The following SERINC3 variants were observed in gnomAD, a reference collection of about 807,000 sequenced individuals.
SERINC3 encodes tumor differentially expressed protein 1.
In SERINC3, 22 loss-of-function variants were observed where a neutral mutation model predicts 52.1. The observed-to-expected ratio is 0.42, with a 90% confidence interval of 0.30 to 0.60. The LOEUF (loss-of-function observed/expected upper bound fraction) is 0.60. Ranked by LOEUF, SERINC3 falls within the 20% of genes least tolerant of loss-of-function variation. The pLI, the probability that SERINC3 is intolerant of heterozygous loss-of-function variation, is 0.16. For synonymous variants in SERINC3, 226 were observed against 212.7 expected (o/e 1.06, Z -0.54); for missense variants, 564 against 584.6 (o/e 0.96, Z 0.36).
intron 8 of SERINC3, among the ~76,000 whole-genome samples, chr20:44,503,482 T>C (rs553845465): frequency 2.6e-4 from 40 of 152,268 alleles, no homozygotes; most frequent in Non-Finnish European, 4.9e-4. Flanking sequence ...ACACTGTCTC[T>C]ACTAAAAATA....
intron 8 of SERINC3, among the ~76,000 whole-genome samples, 183 bp from the exon 9 acceptor site, chr20:44,501,483 T>A (rs900178434): frequency 6.6e-5 from 10 of 152,248 alleles, no homozygotes; most frequent in African/African-American, 2.4e-4. Context: ...GTCACTGTCA[T>A]CAGTTACTAC....
chr20:44,503,319 G>C (rs2064291223), intron 8 of SERINC3, among the ~76,000 whole-genome samples: 1 of 152,130 alleles, frequency 6.6e-6, no homozygotes, highest in Admixed American at 6.6e-5. Flanking sequence ...TTTTGAAAAA[G>C]AACAAATTTG....
intron 3 of SERINC3, among the ~76,000 whole-genome samples, chr20:44,512,297 G>A (rs1269802223): frequency 7.6e-6 from 1 of 132,374 alleles, no homozygotes; most frequent in East Asian, 2.3e-4. Context: ...TGGGTGACAA[G>A]AGTGAAACTC....
At chr20:44,516,880 T>C (rs2064384069) in intron 1 of SERINC3, among the ~76,000 whole-genome samples, 1 of 152,150 alleles carries the variant, frequency 6.6e-6, no homozygotes, top group Non-Finnish European at 1.5e-5. Context: ...TCATTATGCT[T>C]GATTAGGAAA....
In SERINC3 at chr20:44,512,901, A is replaced by G; in HGVS notation, c.295T>C (p.Tyr99His). Residue 99 changes from tyrosine (Y) to histidine (H), a missense_variant, in exon 3 of 10, where the codon TAT (tyrosine) becomes CAT (histidine). Tyr to His is a moderately conservative substitution (Grantham distance 83). Coordinates refer to ENST00000342374, the MANE Select transcript of SERINC3 (RefSeq NM_006811.4). ...CDVLVGYKAV[Y>H]RISFAMAIFF... Reference sequence around the variant, plus strand: ...ATGGCCATGGCAAAGCTGATCCGATACACAGCTTTATAACCAACCAGCACA... The same window carrying G: ...ATGGCCATGGCAAAGCTGATCCGATGCACAGCTTTATAACCAACCAGCACA... The G allele has an allele frequency of 6.3e-7, 1 of 1,575,974 alleles. No homozygotes were observed. Among genetic ancestry groups the G allele is most frequent in the Non-Finnish European group, 8.6e-7 (1 of 1,167,390 alleles).
rs547495923 is a variant in SERINC3, at chr20:44,512,792, C to T, written c.395+9G>A. The T allele has an allele frequency of 5.8e-6, 9 of 1,548,698 alleles. No homozygotes were observed. In the East Asian group the frequency reaches 1.5e-4, roughly 25 times the overall value. ...ATAATGTAACCAGTTAATCATAAATCTAACATACCCATTGTGTACTGCCGC... is the reference window on the plus strand; with the variant it reads ...ATAATGTAACCAGTTAATCATAAATTTAACATACCCATTGTGTACTGCCGC... On this transcript the variant is annotated intron_variant, in intron 3 of 9. Coordinates refer to ENST00000342374, the MANE Select transcript of SERINC3 (RefSeq NM_006811.4).
chr20:44,511,856 G>T (rs1568788790), intron 3 of SERINC3, among the ~76,000 whole-genome samples: 2 of 152,216 alleles, frequency 1.3e-5, no homozygotes, highest in Non-Finnish European at 2.9e-5. Flanking sequence ...GAAAGAACCA[G>T]GCTTTGGAGC....
intron 5 of SERINC3, among the ~76,000 whole-genome samples, chr20:44,507,992 C>A (rs2064325394): frequency 6.6e-6 from 1 of 152,158 alleles, no homozygotes; most frequent in African/African-American, 2.4e-5. Context: ...CAAGTCAAAG[C>A]CCAGATTAAG....
intron 1 of SERINC3, among the ~76,000 whole-genome samples, chr20:44,517,883 C>T (rs147814066): frequency 5.7e-4 from 87 of 152,244 alleles, no homozygotes; most frequent in Admixed American, 2.3e-3. Flanking sequence ...ATCTGTGGGA[C>T]AAATCTGTCC....
chr20:44,508,339 G>A (rs1171397042), intron 5 of SERINC3, among the ~76,000 whole-genome samples: 1 of 151,804 alleles, frequency 6.6e-6, no homozygotes, highest in Non-Finnish European at 1.5e-5. Context: ...CGGTCGTGGT[G>A]GTGTAGGCGT....
Position 44,501,398 on chromosome 20 carries a change from C to T in SERINC3, c.1056-98G>A, listed in dbSNP as rs1000352638. On this transcript the variant is annotated intron_variant, in intron 8 of 9. Coordinates refer to ENST00000342374, the MANE Select transcript of SERINC3 (RefSeq NM_006811.4). ...CAAGACACTTACTGCTGAGCTGTTC[C>T]TACTTTGGAGACTGAAAGCTTTCTG... is the stretch of plus-strand genomic sequence containing the variant. 4.5e-5 allele frequency: 44 copies of T among 973,776 alleles called. 1 individual carries two copies. In the African/African-American group the frequency reaches 6.6e-4, roughly 15 times the overall value. The allele number at this position is 973,776 out of a possible 1,614,324, so 60.3% of individuals were successfully genotyped here.
chr20:44,516,088 G>A (rs2064378783), intron 1 of SERINC3, among the ~76,000 whole-genome samples: 1 of 152,036 alleles, frequency 6.6e-6, no homozygotes. Context: ...TGGACCACAA[G>A]GTCAGGAGTT....
At chr20:44,518,098 C>A (rs1305044764) in intron 1 of SERINC3, among the ~76,000 whole-genome samples, 3 of 152,048 alleles carry the variant, frequency 2.0e-5, no homozygotes, top group Non-Finnish European at 4.4e-5. Context: ...TTTGTCCAAG[C>A]CACAACTATC....
rs2064267711 is a variant in SERINC3 at position 44,499,717 on chromosome 20, A to T, written c.*579T>A. On this transcript the variant is annotated 3_prime_UTR_variant, in exon 10 of 10. Transcript: ENST00000342374. ...TGCTACAGTGTAAAAAAAGTAAATT[A>T]AAAAACTCAAGATGTAGAAGCAGTA... is the stretch of plus-strand genomic sequence containing the variant. 1 of 152,332 alleles carries T rather than the reference A, an allele frequency of 6.6e-6. No individual in the cohort carries two copies. Among genetic ancestry groups the T allele is most frequent in the Admixed American group, 6.6e-5 (1 of 15,266 alleles). The allele number at this position is 152,332 out of a possible 1,614,324, so 9.4% of individuals were successfully genotyped here. A position where few individuals can be genotyped will look rare whatever the true frequency, so the allele number is the denominator to read the frequency against.
At chr20:44,514,120 G>A (rs773208651) in intron 1 of SERINC3, 80 bp from the exon 2 acceptor site, 34 of 1,440,280 alleles carry the variant, frequency 2.4e-5, no homozygotes, top group Non-Finnish European at 3.1e-5. Context: ...AAGAGAAAGC[G>A]AGGCAAATCA....
chr20:44,511,815 A>C (rs2064349339), intron 3 of SERINC3, among the ~76,000 whole-genome samples: 3 of 152,332 alleles, frequency 2.0e-5, no homozygotes, highest in South Asian at 2.1e-4. Context: ...TCAGTTCATG[A>C]TCTTTAATGA....
At chr20:44,512,719 T>C (rs2064355930) in intron 3 of SERINC3, 82 bp downstream of exon 3, 2 of 1,085,456 alleles carry the variant, frequency 1.8e-6, no homozygotes, top group East Asian at 5.8e-5. Context: ...TCCATTGATT[T>C]CATCAGAATG....
In SERINC3 at chr20:44,504,907, GA is replaced by G; in HGVS notation, c.784-17del. 1 of 1,606,408 alleles carries G rather than the reference GA, an allele frequency of 6.2e-7. No individual in the cohort carries two copies. Among genetic ancestry groups the G allele is most frequent in the Non-Finnish European group, 8.5e-7 (1 of 1,173,660 alleles). ...GCTGGTGTTCCTATGGAATCAAAAG[GA>G]AAACAGTGGCACAGGGACTGCCAAG... On this transcript the variant is annotated splice_polypyrimidine_tract_variant and intron_variant, in intron 6 of 9. Coordinates refer to ENST00000342374, the MANE Select transcript of SERINC3 (RefSeq NM_006811.4).
chr20:44,510,013 CCAA>C lies in SERINC3; in HGVS notation c.488_490del (p.Val163del). The C allele has an allele frequency of 1.2e-6, 2 of 1,614,074 alleles. No individual in the cohort carries two copies. Among genetic ancestry groups the C allele is most frequent in the Non-Finnish European group, 1.7e-6 (2 of 1,179,956 alleles). ...GATGAAGAGGGCGGCCCCTATCATG[CCAA>C]CAACAAACCAGACTACAAGAACCAA... On this transcript the variant is annotated inframe_deletion, in exon 5 of 10. Transcript: ENST00000342374.
Sources: allele counts gnomAD v4.1 joint callset (sites outside exome capture counted in the v4.1 genomes callset), GRCh38; gene constraint gnomAD v4.1.1; transcripts MANE v1.5; gene names NCBI Gene and HGNC (gene_info 2026-07-23, HGNC 2026-07-21).